The following OPHN1 variants were observed in gnomAD, a reference collection of about 807,000 sequenced individuals.
OPHN1 encodes the protein oligophrenin-1.
A neutral mutation model predicts 60.7 loss-of-function variants in OPHN1; 11 were observed. That is an observed-to-expected ratio of 0.18 (90% CI 0.11 to 0.30). The LOEUF (loss-of-function observed/expected upper bound fraction) is 0.30, where lower values mean the gene tolerates loss of function less well. Among genes scored for constraint, OPHN1 ranks in the 10% least tolerant of loss-of-function variants. OPHN1 has a pLI of 1.00. For synonymous variants in OPHN1, 226 were observed against 222.6 expected (o/e 1.02, Z -0.14); for missense variants, 449 against 611.0 (o/e 0.73, Z 2.80).
chrX:68,177,595 C>T (rs767954540), intron 15 of OPHN1, among the ~76,000 whole-genome samples: 26 of 111,071 alleles, frequency 2.3e-4, no homozygotes, highest in Non-Finnish European at 3.0e-4. Flanking sequence ...AAGCATGGTG[C>T]TAACATCTGC....
chrX:68,086,461 T>C (rs2076996400), intron 19 of OPHN1, among the ~76,000 whole-genome samples: 1 of 112,152 alleles, frequency 8.9e-6, no homozygotes, highest in Non-Finnish European at 1.9e-5. Flanking sequence ...TCTTCTACAA[T>C]GTTTACTACA....
chrX:68,209,480 T>C (rs1369028333), intron 9 of OPHN1, among the ~76,000 whole-genome samples: 2 of 111,729 alleles, frequency 1.8e-5, no homozygotes, highest in African/African-American at 6.5e-5. Flanking sequence ...GTAGGAGGGC[T>C]GCTTGAGCCC....
rs1028038336 is a variant in OPHN1, at chrX:68,352,613, A to C, written c.155-53517T>G. ...AAAACATTCACTTATTAAAATAAAC[A>C]CCAGGCTTAGAATGGAAAGCAACTT... On this transcript the variant is annotated intron_variant, in intron 2 of 24. Coordinates refer to ENST00000355520, the MANE Select transcript of OPHN1 (RefSeq NM_002547.3). Among the ~76,000 whole-genome samples, 3 of 111,857 alleles carry C rather than the reference A, an allele frequency of 2.7e-5. No individual in the cohort carries two copies. In the Admixed American group the frequency reaches 2.9e-4, roughly 11 times the overall value.
At chrX:68,433,814 G>A (rs1254883547), upstream of OPHN1, 4 of 296,087 alleles carry the variant, frequency 1.4e-5, no homozygotes, top group Non-Finnish European at 2.4e-5. Flanking sequence ...CAATAGCCGC[G>A]GTAGCCCAGC....
chrX:68,380,847 C>G (rs758333705), intron 2 of OPHN1, among the ~76,000 whole-genome samples: 3 of 111,609 alleles, frequency 2.7e-5, no homozygotes, highest in African/African-American at 9.7e-5. Context: ...GCTTTACTTC[C>G]AACTATGTGG....
At chrX:68,085,260 A>T (rs950795727) in intron 19 of OPHN1, among the ~76,000 whole-genome samples, 2 of 111,954 alleles carry the variant, frequency 1.8e-5, no homozygotes, top group Non-Finnish European at 3.8e-5. Flanking sequence ...CCTTTCTACT[A>T]GGTTTTCCCT....
At chrX:68,203,387 T>C (rs971215158) in intron 10 of OPHN1, among the ~76,000 whole-genome samples, 1 of 111,894 alleles carries the variant, frequency 8.9e-6, no homozygotes, top group East Asian at 2.8e-4. Context: ...TACTATGACA[T>C]ACAAACTGGC....
intron 2 of OPHN1, among the ~76,000 whole-genome samples, chrX:68,392,292 T>C (rs2078657380): frequency 8.9e-6 from 1 of 111,941 alleles, no homozygotes; most frequent in Non-Finnish European, 1.9e-5. Flanking sequence ...GCTTACTATA[T>C]TGTAAGAATA....
intron 5 of OPHN1, among the ~76,000 whole-genome samples, chrX:68,258,604 T>C (rs2077878015): frequency 1.8e-5 from 2 of 109,351 alleles, no homozygotes; most frequent in Admixed American, 9.8e-5. Flanking sequence ...CATCATTTTT[T>C]ATGGCTGCAT....
chrX:68,119,174 C>T (rs1341184564), intron 16 of OPHN1, 74 bp downstream of exon 16: 9 of 754,772 alleles, frequency 1.2e-5, no homozygotes, highest in Middle Eastern at 2.8e-4. Context: ...ACTGAGACCA[C>T]GTTAACTCCG....
intron 19 of OPHN1, among the ~76,000 whole-genome samples, chrX:68,075,141 T>C (rs1300065585): frequency 9.0e-6 from 1 of 111,512 alleles, no homozygotes; most frequent in Non-Finnish European, 1.9e-5. Context: ...AAAAAACAAA[T>C]GAGGTCAGCC....
intron 15 of OPHN1, chrX:68,133,290 G>C: frequency 1.6e-6 from 1 of 617,585 alleles, no homozygotes; most frequent in Non-Finnish European, 2.8e-6. Flanking sequence ...ATACGTGAGT[G>C]TGTCTTAGAC....
rs143057493 is a variant in OPHN1, at chrX:68,408,326, G to C, written c.154+24541C>G. Among the ~76,000 whole-genome samples, 733 of 111,769 alleles carry C rather than the reference G, an allele frequency of 6.6e-3. 7 individuals carry two copies. Among genetic ancestry groups the C allele is most frequent in the African/African-American group, 0.023 (707 of 30,750 alleles). ...ACACACACTTCAATTCAATTCCATT[G>C]TCACTTCTTTTTCATATCAAAGTTC... On this transcript the variant is annotated intron_variant, in intron 2 of 24. Transcript: ENST00000355520.
rs376320958 is a variant in OPHN1 at position 68,210,113 on chromosome X, C to T, written c.832+40G>A. On this transcript the variant is annotated intron_variant, in intron 9 of 24. Coordinates refer to ENST00000355520, the MANE Select transcript of OPHN1 (RefSeq NM_002547.3). ...GCCGACAAGTGGCAGTAGTTCCTGG[C>T]TTATTGAAACCCAATGGATACCCCT... 1.8e-5 allele frequency: 22 copies of T among 1,201,451 alleles called. No individual in the cohort carries two copies. The African/African-American group carries it at 3.4e-4, about 18-fold the overall frequency.
intron 5 of OPHN1, among the ~76,000 whole-genome samples, chrX:68,258,224 G>A (rs2077873953): frequency 9.1e-6 from 1 of 109,807 alleles, no homozygotes; most frequent in South Asian, 4.0e-4. Flanking sequence ...TACTCTTCAG[G>A]CTAAATGTGG....
At chrX:68,432,581 C>A (rs1382372952) in intron 2 of OPHN1, among the ~76,000 whole-genome samples, 1 of 111,863 alleles carries the variant, frequency 8.9e-6, no homozygotes, top group African/African-American at 3.3e-5. Context: ...CCCTTAAGAA[C>A]AATCATCTGC....
At chrX:68,207,189 C>T (rs1483301684) in intron 9 of OPHN1, among the ~76,000 whole-genome samples, 6 of 105,980 alleles carry the variant, frequency 5.7e-5, no homozygotes, top group Non-Finnish European at 7.7e-5. Context: ...AGTGCAGTGG[C>T]GCAATCTCAG....
intron 2 of OPHN1, among the ~76,000 whole-genome samples, chrX:68,308,500 G>A (rs889960458): frequency 9.2e-6 from 1 of 109,216 alleles, no homozygotes; most frequent in Non-Finnish European, 1.9e-5. Flanking sequence ...GCTAAGATGG[G>A]AGGATCACTT....
chrX:68,214,876 A>T (rs1602240337), intron 6 of OPHN1, among the ~76,000 whole-genome samples: 1 of 111,200 alleles, frequency 9.0e-6, no homozygotes, highest in South Asian at 3.8e-4. Flanking sequence ...GTACTCCTGT[A>T]GTCCCAGCTA....
Sources: allele counts gnomAD v4.1 joint callset (sites outside exome capture counted in the v4.1 genomes callset), GRCh38; gene constraint gnomAD v4.1.1; transcripts MANE v1.5; gene names NCBI Gene and HGNC (gene_info 2026-07-23, HGNC 2026-07-21).